The following TDRP variants were observed in gnomAD, a reference collection of about 807,000 sequenced individuals.
The protein encoded by TDRP is testis development related protein.
In TDRP, 12 loss-of-function variants were observed where a neutral mutation model predicts 10.5. That is an observed-to-expected ratio of 1.15 (90% confidence interval 0.73 to 1.86). The LOEUF is 1.86. Ranked by LOEUF, TDRP falls within the 40% of genes most tolerant of loss-of-function variation. TDRP has a pLI of 0.00. For synonymous variants in TDRP, 139 were observed against 95.4 expected, an observed-to-expected ratio of 1.46 and a Z score of -2.67; for missense variants, 353 against 229.2, an observed-to-expected ratio of 1.54 and a Z score of -3.49.
chr8:501,303 G>A (rs1318919272), intron 1 of TDRP, among the ~76,000 whole-genome samples: 1 of 152,096 alleles, frequency 6.6e-6, no homozygotes, highest in Non-Finnish European at 1.5e-5. Context: ...CAGAGTCCAT[G>A]TAATTTTAGT....
At chr8:528,109 GACATTTTCC>G (rs138851024) in intron 1 of TDRP, among the ~76,000 whole-genome samples, 2,030 of 152,226 alleles carry the variant, frequency 0.013, 42 homozygotes, top group African/African-American at 0.044. Flanking sequence ...GACCTGAGTA[GACATTTTCC>G]AAAAGAAGAC....
In TDRP at chr8:515,064, G is replaced by C. The variant is rs187946732; in HGVS notation, c.109-20467C>G. Reference sequence around the variant, plus strand: ...CTGGAGACACAGGTCAGGCTTCAGGGCTCCACTCACCAGTTCTGTAACCTT... The same window carrying C: ...CTGGAGACACAGGTCAGGCTTCAGGCCTCCACTCACCAGTTCTGTAACCTT... On this transcript the variant is annotated intron_variant, in intron 1 of 2. Transcript: ENST00000324079. Among the ~76,000 whole-genome samples the C allele has an allele frequency of 1.6e-3, 241 of 152,248 alleles. 1 individual carries two copies. Among genetic ancestry groups the C allele is most frequent in the African/African-American group, 5.4e-3 (225 of 41,558 alleles).
chr8:544,981 AACCAGGCCCGCTCCAAGCCCTCCTCAGG>A (rs1563136375), upstream of TDRP: 4 of 285,388 alleles, frequency 1.4e-5, no homozygotes, highest in Admixed American at 7.2e-5. Flanking sequence ...CCATCCCCAG[AACCAGGCCCGCTCCAAGCCCTCCTCAGG>A]ACCAGGCCCG....
chr8:491,829 T>C lies in TDRP; in HGVS notation c.*570A>G. 8.1e-7 allele frequency: 1 copy of C among 1,237,872 alleles called. No homozygotes were observed. The highest frequency in any genetic ancestry group is 4.2e-5 in the Admixed American group (1 of 23,790). 76.7% of individuals were successfully genotyped at this position (1,237,872 alleles called of 1,614,324 possible). Reference sequence around the variant, plus strand: ...CTCAGCAAAAGATGAACATGCATTTTAAGATACATTTTACTCCCAAATATA... The same window carrying C: ...CTCAGCAAAAGATGAACATGCATTTCAAGATACATTTTACTCCCAAATATA... On this transcript the variant is annotated 3_prime_UTR_variant, in exon 3 of 3. Transcript: ENST00000324079.
At chr8:544,093 A>C (rs553051793) in intron 1 of TDRP, among the ~76,000 whole-genome samples, 1 of 152,310 alleles carries the variant, frequency 6.6e-6, no homozygotes, top group Admixed American at 6.5e-5. Context: ...CTTCAGAAAA[A>C]TCAAGAATTT....
At chr8:496,942 C>G (rs1161635166) in intron 1 of TDRP, among the ~76,000 whole-genome samples, 1 of 152,200 alleles carries the variant, frequency 6.6e-6, no homozygotes, top group Non-Finnish European at 1.5e-5. Flanking sequence ...GCCTTGCTTC[C>G]ATTTCTGCCA....
At chr8:537,194 C>T (rs1376675950) in intron 1 of TDRP, among the ~76,000 whole-genome samples, 2 of 152,222 alleles carry the variant, frequency 1.3e-5, no homozygotes, top group Non-Finnish European at 2.9e-5. Context: ...CCTTCCTGGG[C>T]TGGCTCCCTG....
At chr8:535,636 T>C (rs1159719936) in intron 1 of TDRP, among the ~76,000 whole-genome samples, 1 of 152,004 alleles carries the variant, frequency 6.6e-6, no homozygotes, top group Non-Finnish European at 1.5e-5. Context: ...TAAAGCCAAG[T>C]CGCCCATTCC....
In TDRP at chr8:494,590, C is replaced by T. The variant is rs1468246882; in HGVS notation, c.116G>A (p.Gly39Glu). ...TTCTTTCCAACCTCGGAAACTTGCT[C>T]CCTGAACCTAATAAAAGGTTAAGAA... ...AAAAAQAQVQ[G>E]ASFRGWKEVT... Residue 39 changes from glycine to glutamate, a missense_variant, in exon 2 of 3, where the codon GGA becomes GAA. Gly to Glu is a moderately conservative substitution (Grantham distance 98). Transcript: ENST00000324079. The T allele has an allele frequency of 6.2e-7, 1 of 1,613,700 alleles. No individual in the cohort carries two copies. The highest frequency in any genetic ancestry group is 8.5e-7 in the Non-Finnish European group (1 of 1,179,786).
At chr8:496,190 G>A (rs969678355) in intron 1 of TDRP, among the ~76,000 whole-genome samples, 2 of 152,138 alleles carry the variant, frequency 1.3e-5, no homozygotes, top group African/African-American at 4.8e-5. Flanking sequence ...ATCACACACT[G>A]CACAAAAACC....
At chr8:523,219 T>C (rs904715339) in intron 1 of TDRP, among the ~76,000 whole-genome samples, 1 of 152,228 alleles carries the variant, frequency 6.6e-6, no homozygotes, top group Non-Finnish European at 1.5e-5. Flanking sequence ...AAACATCTTA[T>C]AGTTATAATA....
At chr8:526,079 C>T (rs890398064) in intron 1 of TDRP, among the ~76,000 whole-genome samples, 1 of 152,204 alleles carries the variant, frequency 6.6e-6, no homozygotes, top group Non-Finnish European at 1.5e-5. Flanking sequence ...TATAGTTGCA[C>T]AATATGCCTT....
In TDRP at chr8:517,459, G is replaced by A. The variant is rs1801787997; in HGVS notation, c.109-22862C>T. On this transcript the variant is annotated intron_variant, in intron 1 of 2. Transcript: ENST00000324079. The stretch of plus-strand genomic sequence containing the variant: ...TTCTCTCTGAAGCCTCTACCTGGAA[G>A]CTTCAAGAACCTGGGCTTCCACAAC... Among the ~76,000 whole-genome samples the A allele has an allele frequency of 3.9e-5, 6 of 152,262 alleles. No individual in the cohort carries two copies. The South Asian group carries it at 1.2e-3, about 32-fold the overall frequency.
Position 510,465 on chromosome 8 carries a change from T to C in TDRP, c.109-15868A>G, listed in dbSNP as rs142804982. 1.2e-3 allele frequency among the ~76,000 whole-genome samples: 189 copies of C among 152,248 alleles called. 1 individual carries two copies. The highest frequency in any genetic ancestry group is 4.3e-3 in the African/African-American group (179 of 41,552). On this transcript the variant is annotated intron_variant, in intron 1 of 2. Coordinates refer to ENST00000324079, the MANE Select transcript of TDRP (RefSeq NM_001384899.1). ...ATTATACCAACCAAAGACAGGGAGA[T>C]AATCTTGAAAGCTACAAGAGAAAAA... is the stretch of plus-strand genomic sequence containing the variant.
chr8:493,060 CA>C (rs1801025168), intron 2 of TDRP, among the ~76,000 whole-genome samples: 1 of 152,108 alleles, frequency 6.6e-6, no homozygotes, highest in South Asian at 2.1e-4. Context: ...AGATTTTGAG[CA>C]AATCAGATCT....
chr8:491,469 ATTC>A lies in TDRP; in HGVS notation c.*927_*929del, dbSNP rs1038121938. 1.7e-5 allele frequency: 13 copies of A among 755,700 alleles called. 2 individuals are homozygous for A. The African/African-American group carries it at 2.4e-4, about 14-fold the overall frequency. 46.8% of individuals were successfully genotyped at this position (755,700 alleles called of 1,614,324 possible). A position where few individuals can be genotyped will look rare whatever the true frequency, so the allele number is the denominator to read the frequency against. ...GATGCTCTCAAACCGGTCGTCGATTATTCTTGTGGAAAAAACACAGCTTCTTAC... is the reference window on the plus strand; with the variant it reads ...GATGCTCTCAAACCGGTCGTCGATTATTGTGGAAAAAACACAGCTTCTTAC... On this transcript the variant is annotated 3_prime_UTR_variant, in exon 3 of 3. Transcript: ENST00000324079.
Position 544,791 on chromosome 8 carries a change from C to T in TDRP, c.-34G>A, listed in dbSNP as rs1423667239. 3.3e-6 allele frequency: 4 copies of T among 1,220,478 alleles called. No homozygotes were observed. Among genetic ancestry groups the T allele is most frequent in the Non-Finnish European group, 4.1e-6 (4 of 977,160 alleles). The allele number at this position is 1,220,478 out of a possible 1,614,324, so 75.6% of individuals were successfully genotyped here. ...GGGCTCCGGCGTCCCTCCGTCCGTG[C>T]GTCGGGCTGTGGCTCCGCGTCCCTC... On this transcript the variant is annotated 5_prime_UTR_variant, in exon 1 of 3. Transcript: ENST00000324079.
At chr8:531,947 G>A (rs911681355) in intron 1 of TDRP, among the ~76,000 whole-genome samples, 5 of 152,166 alleles carry the variant, frequency 3.3e-5, no homozygotes, top group East Asian at 1.9e-4. Flanking sequence ...TGGGCCCTGC[G>A]GTGGTTGCGT....
At position 492,590 on chromosome 8, in the gene TDRP, G is replaced by A. The variant is rs766695027; in HGVS notation, c.367C>T (p.Pro123Ser). 5.0e-6 allele frequency: 8 copies of A among 1,613,812 alleles called. No individual in the cohort carries two copies. The Admixed American group carries it at 1.3e-4, about 27-fold the overall frequency. The change falls in exon 3 of 3, where the codon CCT becomes TCT. Residue 123 changes from proline to serine, a missense_variant. Coordinates refer to ENST00000324079, the MANE Select transcript of TDRP (RefSeq NM_001384899.1). ...KLALEDISAD[P>S]EDTVGGHPSW... ...GGGTGGCCACCCACGGTGTCCTCAG[G>A]GTCAGCCGATATGTCTTCAAGAGCA... is the stretch of plus-strand genomic sequence containing the variant.
Sources: gnomAD v4.1 joint callset for allele counts (sites outside exome capture counted in the v4.1 genomes callset) on GRCh38, gnomAD v4.1.1 for gene constraint, MANE v1.5 for transcripts, NCBI Gene and HGNC (gene_info 2026-07-23, HGNC 2026-07-21) for gene names.